SLC35F1: variants seen among roughly 807,000 people sequenced by gnomAD.
The protein encoded by SLC35F1 is chromosome 6 open reading frame 169.
SLC35F1 carries 14 observed loss-of-function variants against 48.7 expected under a neutral mutation model. That is an observed-to-expected ratio of 0.29 (90% CI 0.19 to 0.45). SLC35F1 has a LOEUF of 0.45. Ranked by LOEUF, SLC35F1 falls within the 20% of genes least tolerant of loss-of-function variation. The pLI is 1.00. For missense variants in SLC35F1, 404 were observed against 500.0 expected, an observed-to-expected ratio of 0.81 and a Z score of 1.83; for synonymous variants, 190 against 202.2, an observed-to-expected ratio of 0.94 and a Z score of 0.51.
intron 2 of SLC35F1, among the ~76,000 whole-genome samples, chr6:118,221,965 T>C (rs1337969861): frequency 2.3e-5 from 1 of 44,132 alleles, no homozygotes; most frequent in East Asian, 8.2e-4. Context: ...ATGTATACAA[T>C]TTTTTTATAG....
chr6:118,234,886 TA>T (rs5879454), intron 2 of SLC35F1, among the ~76,000 whole-genome samples: 139,697 of 152,258 alleles, frequency 0.92, 64,209 homozygotes, highest in East Asian at 0.98. Flanking sequence ...GCTACCAGTT[TA>T]AAAATGCAAG....
At chr6:118,175,335 T>C (rs1391327762) in intron 2 of SLC35F1, among the ~76,000 whole-genome samples, 1 of 152,134 alleles carries the variant, frequency 6.6e-6, no homozygotes, top group African/African-American at 2.4e-5. Context: ...TGAGAATACT[T>C]GTCAAGCCTT....
intron 1 of SLC35F1, among the ~76,000 whole-genome samples, chr6:118,071,110 T>TATATATAC (rs1301014282): frequency 2.3e-5 from 1 of 44,200 alleles, no homozygotes; most frequent in African/African-American, 5.4e-5. Context: ...ATAGTATGTA[T>TATATATAC]ATATATACAT....
At chr6:118,242,310 C>A (rs573344292) in intron 3 of SLC35F1, among the ~76,000 whole-genome samples, 96 of 152,140 alleles carry the variant, frequency 6.3e-4, no homozygotes, top group Non-Finnish European at 1.2e-3. Flanking sequence ...TTTATATTTA[C>A]AGAATGGCTA....
chr6:118,052,976 A>G (rs1184469975), intron 1 of SLC35F1, among the ~76,000 whole-genome samples: 1 of 152,048 alleles, frequency 6.6e-6, no homozygotes, highest in African/African-American at 2.4e-5. Flanking sequence ...CCTTGTCTGT[A>G]TCAGTGGTGC....
chr6:117,948,893 A>G (rs1336673782), intron 1 of SLC35F1, among the ~76,000 whole-genome samples: 1 of 152,098 alleles, frequency 6.6e-6, no homozygotes, highest in African/African-American at 2.4e-5. Flanking sequence ...AAGACAGCAA[A>G]AGATATTCCA....
At chr6:118,048,950 C>G (rs939040383) in intron 1 of SLC35F1, among the ~76,000 whole-genome samples, 1 of 152,180 alleles carries the variant, frequency 6.6e-6, no homozygotes, top group Admixed American at 6.5e-5. Context: ...CTCACGCTAC[C>G]TGACTTCAAA....
intron 1 of SLC35F1, among the ~76,000 whole-genome samples, chr6:117,908,121 G>C (rs886339316): frequency 1.3e-5 from 2 of 152,230 alleles, no homozygotes; most frequent in Admixed American, 6.5e-5. Context: ...CAGCTGGTCC[G>C]AGGCGGGAGT....
intron 1 of SLC35F1, among the ~76,000 whole-genome samples, chr6:118,056,466 C>T (rs912519345): frequency 7.2e-5 from 11 of 152,106 alleles, no homozygotes; most frequent in Admixed American, 2.0e-4. Context: ...TTAGTTCAAT[C>T]GAACACAAAT....
chr6:118,188,043 A>G (rs775489498), intron 2 of SLC35F1, among the ~76,000 whole-genome samples: 25 of 152,336 alleles, frequency 1.6e-4, no homozygotes, highest in Non-Finnish European at 3.2e-4. Flanking sequence ...AACTTGAGCA[A>G]TAATGCTATG....
At chr6:118,160,166 T>C (rs1774209262) in intron 2 of SLC35F1, among the ~76,000 whole-genome samples, 1 of 152,190 alleles carries the variant, frequency 6.6e-6, no homozygotes, top group Non-Finnish European at 1.5e-5. Flanking sequence ...ATCATAAGTG[T>C]CTGCTTCTTT....
chr6:118,174,757 T>G (rs1774461536), intron 2 of SLC35F1, among the ~76,000 whole-genome samples: 1 of 151,868 alleles, frequency 6.6e-6, no homozygotes, highest in Non-Finnish European at 1.5e-5. Flanking sequence ...TGTGTCAAAC[T>G]TCTAAAAAAC....
At chr6:118,153,953 G>C (rs1332994592) in intron 1 of SLC35F1, among the ~76,000 whole-genome samples, 1 of 152,102 alleles carries the variant, frequency 6.6e-6, no homozygotes, top group African/African-American at 2.4e-5. Flanking sequence ...TTCTGGATCT[G>C]GGATTTCAAT....
At chr6:118,065,058 A>G (rs977296952) in intron 1 of SLC35F1, among the ~76,000 whole-genome samples, 8 of 152,198 alleles carry the variant, frequency 5.3e-5, no homozygotes, top group African/African-American at 1.9e-4. Flanking sequence ...GAAGAATCCT[A>G]AATTATTGCA....
intron 1 of SLC35F1, chr6:117,999,376 G>A (rs1242693710): frequency 2.5e-6 from 4 of 1,586,030 alleles, no homozygotes; most frequent in Non-Finnish European, 3.4e-6. Context: ...CCAAGGCCCA[G>A]GCTGCAGCTC....
intron 6 of SLC35F1, among the ~76,000 whole-genome samples, chr6:118,279,116 A>G (rs539618358): frequency 9.8e-5 from 15 of 152,338 alleles, no homozygotes; most frequent in African/African-American, 3.4e-4. Context: ...TTAGTTAACA[A>G]TAATTTATTG....
At chr6:118,096,692 A>C (rs143466509) in intron 1 of SLC35F1, among the ~76,000 whole-genome samples, 1 of 152,316 alleles carries the variant, frequency 6.6e-6, no homozygotes, top group East Asian at 1.9e-4. Context: ...CAGTTAGCCA[A>C]GGGAGATACA....
At chr6:118,298,442 A>C (rs1776217852) in intron 7 of SLC35F1, among the ~76,000 whole-genome samples, 1 of 152,064 alleles carries the variant, frequency 6.6e-6, no homozygotes, top group Non-Finnish European at 1.5e-5. Context: ...TTTCCCCTTG[A>C]ACTAGAGGAG....
intron 2 of SLC35F1, among the ~76,000 whole-genome samples, chr6:118,186,586 A>G (rs1170675418): frequency 2.6e-5 from 4 of 152,188 alleles, no homozygotes; most frequent in Non-Finnish European, 5.9e-5. Context: ...GACTAAGTTT[A>G]CTGGGATTGG....
Sources: allele counts gnomAD v4.1 joint callset (sites outside exome capture counted in the v4.1 genomes callset), GRCh38; gene constraint gnomAD v4.1.1; transcripts MANE v1.5; gene names NCBI Gene and HGNC (gene_info 2026-07-23, HGNC 2026-07-21).